The following MARCHF4 variants were observed in gnomAD, a reference collection of about 807,000 sequenced individuals.
MARCHF4 encodes the protein membrane associated ring-CH-type finger 4, also known as E3 ubiquitin-protein ligase MARCHF4.
A neutral mutation model predicts 43.9 loss-of-function variants in MARCHF4; 14 were observed. That is an observed-to-expected ratio of 0.32 (90% CI 0.21 to 0.50). MARCHF4 has a LOEUF of 0.50. MARCHF4 is among the 20% of genes least tolerant of loss of function. The pLI, the probability that MARCHF4 is intolerant of heterozygous loss-of-function variation, is 0.98. For missense variants in MARCHF4, 468 were observed against 536.7 expected, an observed-to-expected ratio of 0.87 and a Z score of 1.27; for synonymous variants, 226 against 213.3, an observed-to-expected ratio of 1.06 and a Z score of -0.52.
intron 1 of MARCHF4, among the ~76,000 whole-genome samples, chr2:216,290,514 T>C (rs937100358): frequency 3.3e-5 from 5 of 152,096 alleles, no homozygotes; most frequent in African/African-American, 1.2e-4. Flanking sequence ...GGACTTGGCA[T>C]TTGTGAGTGA....
chr2:216,293,892 G>C (rs1348811517), intron 1 of MARCHF4, among the ~76,000 whole-genome samples: 1 of 128,306 alleles, frequency 7.8e-6, no homozygotes, highest in African/African-American at 2.5e-5. Flanking sequence ...CACGTTTAAT[G>C]TGTACATTTA....
At chr2:216,276,629 T>A (rs1691026490) in intron 3 of MARCHF4, among the ~76,000 whole-genome samples, 1 of 152,352 alleles carries the variant, frequency 6.6e-6, no homozygotes, top group East Asian at 1.9e-4. Context: ...AGCCAAATTC[T>A]AGCTAATAGA....
At chr2:216,265,989 T>G (rs534243366) in intron 3 of MARCHF4, 1 of 152,208 alleles carries the variant, frequency 6.6e-6, no homozygotes, top group Non-Finnish European at 1.5e-5. Flanking sequence ...TTATTCCTCA[T>G]AGAAGGTTCT....
At chr2:216,297,883 C>T (rs1029388677) in intron 1 of MARCHF4, among the ~76,000 whole-genome samples, 8 of 152,214 alleles carry the variant, frequency 5.3e-5, no homozygotes, top group African/African-American at 1.9e-4. Flanking sequence ...AAGAGGGCAC[C>T]TGCCCAAGAG....
intron 3 of MARCHF4, among the ~76,000 whole-genome samples, chr2:216,263,574 AAG>A (rs1024284081): frequency 1.3e-5 from 2 of 151,266 alleles, no homozygotes; most frequent in Non-Finnish European, 2.9e-5. Flanking sequence ...GAAAGAAAGA[AAG>A]AGAAAGAAAG....
chr2:216,360,403 G>A lies in MARCHF4; in HGVS notation c.516+9342C>T, dbSNP rs143933258. Among the ~76,000 whole-genome samples, 668 of 151,958 alleles carry A rather than the reference G, an allele frequency of 4.4e-3. 4 individuals are homozygous for A. Among genetic ancestry groups the A allele is most frequent in the African/African-American group, 0.014 (570 of 41,416 alleles). The stretch of plus-strand genomic sequence containing the variant: ...CATAAAAAGAATAGACAAACTCTGG[G>A]ACATCCATGTGATGGAATATTATTC... On this transcript the variant is annotated intron_variant, in intron 1 of 3. Coordinates refer to ENST00000273067, the MANE Select transcript of MARCHF4 (RefSeq NM_020814.3).
chr2:216,284,138 G>A (rs1691181558), intron 1 of MARCHF4, among the ~76,000 whole-genome samples: 1 of 152,156 alleles, frequency 6.6e-6, no homozygotes, highest in Non-Finnish European at 1.5e-5. Context: ...GATAACAAAA[G>A]CTAGCTAGTG....
chr2:216,349,858 C>T (rs1008805645), intron 1 of MARCHF4, among the ~76,000 whole-genome samples: 4 of 152,150 alleles, frequency 2.6e-5, no homozygotes, highest in African/African-American at 9.7e-5. Flanking sequence ...CAGTGAGAAG[C>T]AGCAGAGTGA....
intron 3 of MARCHF4, among the ~76,000 whole-genome samples, chr2:216,268,315 C>A (rs139613759): frequency 1.2e-3 from 177 of 152,310 alleles, no homozygotes; most frequent in Non-Finnish European, 2.1e-3. Flanking sequence ...TGATTAGTAG[C>A]CGATATGGTT....
Position 216,277,808 on chromosome 2 carries a change from C to T in MARCHF4, c.729G>A (p.Leu243=). ...IEKVQVAAAI[L]GSLFLIASIS... ...TACTGGCGATGAGGAAGAGGGAGCC[C>T]AGGATGGCGGCTGCAACCTGAACCT... Residue 243 remains leucine, a synonymous_variant, in exon 3 of 4, where the codon CTG becomes CTA. Coordinates refer to ENST00000273067, the MANE Select transcript of MARCHF4 (RefSeq NM_020814.3). The T allele has an allele frequency of 6.2e-7, 1 of 1,614,106 alleles. No homozygotes were observed. Among genetic ancestry groups the T allele is most frequent in the African/African-American group, 1.3e-5 (1 of 75,046 alleles).
chr2:216,360,067 CTCAAAG>C (rs1227327192), intron 1 of MARCHF4, among the ~76,000 whole-genome samples: 2 of 152,070 alleles, frequency 1.3e-5, no homozygotes, highest in African/African-American at 4.8e-5. Context: ...CTTTGGAATT[CTCAAAG>C]TCAGAGATTG....
At chr2:216,297,404 G>A (rs1691413758) in intron 1 of MARCHF4, among the ~76,000 whole-genome samples, 2 of 152,168 alleles carry the variant, frequency 1.3e-5, no homozygotes, top group South Asian at 4.1e-4. Flanking sequence ...CAGGGCCAAA[G>A]CTCATAGAAC....
At position 216,307,825 on chromosome 2, in the gene MARCHF4, G is replaced by A. The variant is rs76117662; in HGVS notation, c.517-24096C>T. On this transcript the variant is annotated intron_variant, in intron 1 of 3. Transcript: ENST00000273067. ...GCCTAGGTGCTGAGGTGGGAAGAGC[G>A]CTTGAGGCCAGGATTTTGAGACTAG... is the stretch of plus-strand genomic sequence containing the variant. Among the ~76,000 whole-genome samples, 1,105 of 152,270 alleles carry A rather than the reference G, an allele frequency of 7.3e-3. 6 individuals carry two copies. Among genetic ancestry groups the A allele is most frequent in the Non-Finnish European group, 0.012 (783 of 68,022 alleles).
In MARCHF4 at chr2:216,370,358, G is replaced by A; in HGVS notation, c.-98C>T. The A allele has an allele frequency of 1.0e-6, 1 of 999,076 alleles. No individual in the cohort carries two copies. The highest frequency in any genetic ancestry group is 1.4e-6 in the Non-Finnish European group (1 of 708,060). The allele number at this position is 999,076 out of a possible 1,614,324, so 61.9% of individuals were successfully genotyped here. The stretch of plus-strand genomic sequence containing the variant: ...GGGTCCACAGTGGATCTGTGTTGTG[G>A]GGGGAGTCTGCTTTCTCACTGGCTT... On this transcript the variant is annotated 5_prime_UTR_variant, in exon 1 of 4. Coordinates refer to ENST00000273067, the MANE Select transcript of MARCHF4 (RefSeq NM_020814.3).
At chr2:216,364,805 T>C (rs1692640669) in intron 1 of MARCHF4, among the ~76,000 whole-genome samples, 1 of 152,234 alleles carries the variant, frequency 6.6e-6, no homozygotes, top group South Asian at 2.1e-4. Flanking sequence ...CAAAGGACAG[T>C]TATCCCCATT....
intron 3 of MARCHF4, among the ~76,000 whole-genome samples, chr2:216,273,379 A>G (rs1199958111): frequency 6.6e-6 from 1 of 152,178 alleles, no homozygotes; most frequent in Non-Finnish European, 1.5e-5. Context: ...CTCTTCTCTT[A>G]CTCGGCTTTT....
In MARCHF4 at chr2:216,358,562, C is replaced by G. The variant is rs958754397; in HGVS notation, c.516+11183G>C. Among the ~76,000 whole-genome samples the G allele has an allele frequency of 3.9e-5, 6 of 152,146 alleles. No homozygotes were observed. The East Asian group carries it at 1.2e-3, about 29-fold the overall frequency. On this transcript the variant is annotated intron_variant, in intron 1 of 3. Transcript: ENST00000273067. ...GCGTGGATATTCCAGAGCACAACCT[C>G]CTCTTTTTATAAAAGAGCAAATAAG...
Position 216,371,072 on chromosome 2 carries a change from A to T in MARCHF4, c.-812T>A, listed in dbSNP as rs1255679148. On this transcript the variant is annotated 5_prime_UTR_variant, in exon 1 of 4. Transcript: ENST00000273067. ...GAAAGCCAATTAGGAGAAGGGAGGT[A>T]AAATAGAGGTTTGGGAAGGAAAAAG... 1 of 152,246 alleles carries T rather than the reference A, an allele frequency of 6.6e-6. No homozygotes were observed. Among genetic ancestry groups the T allele is most frequent in the Admixed American group, 6.5e-5 (1 of 15,270 alleles). The allele number at this position is 152,246 out of a possible 1,614,324, so 9.4% of individuals were successfully genotyped here.
chr2:216,364,548 G>T (rs1692636021), intron 1 of MARCHF4, among the ~76,000 whole-genome samples: 1 of 152,226 alleles, frequency 6.6e-6, no homozygotes, highest in Non-Finnish European at 1.5e-5. Flanking sequence ...CAGTTACCCA[G>T]AACCCTGGAA....
Sources: gnomAD v4.1 joint callset for allele counts (sites outside exome capture counted in the v4.1 genomes callset) on GRCh38, gnomAD v4.1.1 for gene constraint, MANE v1.5 for transcripts, NCBI Gene and HGNC (gene_info 2026-07-23, HGNC 2026-07-21) for gene names.